The following NEGR1 variants were observed in gnomAD, a reference collection of about 807,000 sequenced individuals.
NEGR1 encodes IgLON family member 4.
Under a neutral mutation model 40.9 loss-of-function variants are expected in NEGR1, and 10 were observed. The observed-to-expected ratio is 0.24, with a 90% CI of 0.15 to 0.42. NEGR1 has a LOEUF of 0.42. Ranked by LOEUF, NEGR1 falls within the 10% of genes least tolerant of loss-of-function variation. The pLI is 1.00. For missense variants in NEGR1, 352 were observed against 438.9 expected, an observed-to-expected ratio of 0.80 and a Z score of 1.77; for synonymous variants, 185 against 166.8, an observed-to-expected ratio of 1.11 and a Z score of -0.84.
At chr1:71,794,529 T>G (rs989009554) in intron 2 of NEGR1, 2 of 152,054 alleles carry the variant, frequency 1.3e-5, no homozygotes, top group Admixed American at 6.6e-5. Context: ...GCTAGGCAAT[T>G]GTCTACCCTG....
intron 2 of NEGR1, among the ~76,000 whole-genome samples, chr1:71,791,912 G>C (rs1362371332): frequency 2.0e-5 from 3 of 152,072 alleles, no homozygotes; most frequent in Non-Finnish European, 4.4e-5. Flanking sequence ...AGGATGAACA[G>C]AGAATTGTGA....
At chr1:71,937,248 A>G (rs978212108) in intron 1 of NEGR1, among the ~76,000 whole-genome samples, 1 of 152,062 alleles carries the variant, frequency 6.6e-6, no homozygotes, top group Non-Finnish European at 1.5e-5. Flanking sequence ...AGAAAATAAA[A>G]CCCCTTTAAT....
chr1:71,589,885 C>A (rs1649440982), intron 6 of NEGR1, among the ~76,000 whole-genome samples: 1 of 152,068 alleles, frequency 6.6e-6, no homozygotes, highest in Admixed American at 6.6e-5. Flanking sequence ...AGGATACAGC[C>A]AAAACTCATT....
At chr1:71,618,225 A>G (rs1650505278) in intron 4 of NEGR1, among the ~76,000 whole-genome samples, 1 of 152,202 alleles carries the variant, frequency 6.6e-6, no homozygotes, top group Non-Finnish European at 1.5e-5. Context: ...TCCTAATCAC[A>G]AAAGACACCC....
intron 1 of NEGR1, among the ~76,000 whole-genome samples, chr1:72,162,342 G>T (rs902928285): frequency 5.9e-5 from 9 of 151,868 alleles, no homozygotes; most frequent in Non-Finnish European, 1.3e-4. Flanking sequence ...ATAGGTGCCT[G>T]TAATCCCAGC....
intron 1 of NEGR1, among the ~76,000 whole-genome samples, chr1:72,177,386 G>A (rs958465813): frequency 6.6e-6 from 1 of 152,114 alleles, no homozygotes; most frequent in Middle Eastern, 3.4e-3. Flanking sequence ...TCACATATGA[G>A]TGGTTTAATG....
At chr1:72,162,078 ATTACC>A (rs1226311068) in intron 1 of NEGR1, among the ~76,000 whole-genome samples, 1 of 152,094 alleles carries the variant, frequency 6.6e-6, no homozygotes, top group Non-Finnish European at 1.5e-5. Context: ...GGAAAAGGTA[ATTACC>A]TTAACCAGTT....
intron 2 of NEGR1, among the ~76,000 whole-genome samples, chr1:71,913,069 C>T (rs1162391738): frequency 6.6e-6 from 1 of 151,916 alleles, no homozygotes; most frequent in East Asian, 1.9e-4. Context: ...TATTTCTAGC[C>T]TCATATATTT....
intron 2 of NEGR1, among the ~76,000 whole-genome samples, chr1:71,802,782 C>T (rs1570366814): frequency 1.3e-5 from 2 of 152,256 alleles, no homozygotes; most frequent in South Asian, 4.2e-4. Flanking sequence ...GAATGTTTAT[C>T]TTATTTCTAA....
chr1:71,564,971 G>C (rs1648570641), intron 6 of NEGR1, among the ~76,000 whole-genome samples: 1 of 152,064 alleles, frequency 6.6e-6, no homozygotes, highest in South Asian at 2.1e-4. Context: ...GCTTCAAAGA[G>C]GAAGTTAAGA....
chr1:72,014,888 T>C (rs1218993465), intron 1 of NEGR1, among the ~76,000 whole-genome samples: 1 of 152,024 alleles, frequency 6.6e-6, no homozygotes. Flanking sequence ...ATATGACAAT[T>C]AAGAGGTCCC....
chr1:71,874,833 G>GTTTTTC (rs368155970), intron 2 of NEGR1, among the ~76,000 whole-genome samples: 13 of 152,006 alleles, frequency 8.6e-5, no homozygotes, highest in African/African-American at 2.4e-5. Flanking sequence ...TCCACAGCAA[G>GTTTTTC]TTTTTCTTTT....
At chr1:71,614,087 T>G (rs1255480929) in intron 4 of NEGR1, among the ~76,000 whole-genome samples, 1 of 152,122 alleles carries the variant, frequency 6.6e-6, no homozygotes, top group Non-Finnish European at 1.5e-5. Context: ...TGTGGTGTTT[T>G]TATTCTTATT....
rs1653589880 is a variant in NEGR1, at chr1:71,699,061, C to T, written c.536-922G>A. ...CACAGGCCTTGAAAAAAATCACATT[C>T]CAGTGCATATCAAAGGGAATTATGG... On this transcript the variant is annotated intron_variant, in intron 3 of 6. Transcript: ENST00000357731. 2.6e-5 allele frequency among the ~76,000 whole-genome samples: 4 copies of T among 151,986 alleles called. 1 individual carries two copies. The South Asian group carries it at 8.3e-4, about 31-fold the overall frequency.
intron 4 of NEGR1, among the ~76,000 whole-genome samples, chr1:71,667,479 G>A (rs1013116498): frequency 6.6e-6 from 1 of 152,158 alleles, no homozygotes; most frequent in African/African-American, 2.4e-5. Flanking sequence ...AGCCCTGGGT[G>A]GGATTGGGAG....
At chr1:71,673,854 C>G (rs989308711) in intron 4 of NEGR1, among the ~76,000 whole-genome samples, 1 of 151,978 alleles carries the variant, frequency 6.6e-6, no homozygotes, top group Non-Finnish European at 1.5e-5. Context: ...GCTCTAAACA[C>G]AGTTCTATGG....
chr1:71,777,813 T>C lies in NEGR1; in HGVS notation c.410-1516A>G, dbSNP rs150925957. ...ATTTGATTATGTGTAACTGTTGATATGATTGAGGAGAAGGCTTTTTCCTAA... is the reference window on the plus strand; with the variant it reads ...ATTTGATTATGTGTAACTGTTGATACGATTGAGGAGAAGGCTTTTTCCTAA... On this transcript the variant is annotated intron_variant, in intron 2 of 6. Coordinates refer to ENST00000357731, the MANE Select transcript of NEGR1 (RefSeq NM_173808.3). Among the ~76,000 whole-genome samples the C allele has an allele frequency of 3.4e-4, 51 of 152,128 alleles. No homozygotes were observed. In the Middle Eastern group the frequency reaches 0.014, roughly 41 times the overall value.
At chr1:71,421,549 G>A (rs1324268913) in intron 6 of NEGR1, 2 of 152,052 alleles carry the variant, frequency 1.3e-5, no homozygotes. Flanking sequence ...TAGTATCTAA[G>A]AGTAACTGCT....
chr1:72,061,328 G>A (rs575700329), intron 1 of NEGR1, among the ~76,000 whole-genome samples: 1 of 151,794 alleles, frequency 6.6e-6, no homozygotes, highest in East Asian at 1.9e-4. Context: ...TACCAGCAGT[G>A]TGCAATTATC....
Sources: allele counts gnomAD v4.1 joint callset (sites outside exome capture counted in the v4.1 genomes callset), GRCh38; gene constraint gnomAD v4.1.1; transcripts MANE v1.5; gene names NCBI Gene and HGNC (gene_info 2026-07-23, HGNC 2026-07-21).